FUT8: variants seen among roughly 807,000 people sequenced by gnomAD.
FUT8 encodes the protein alpha-(1,6)-fucosyltransferase.
Under a neutral mutation model 71.3 loss-of-function variants are expected in FUT8, and 29 were observed. That is an observed-to-expected ratio of 0.41 (90% CI 0.30 to 0.55). FUT8 has a LOEUF of 0.55. Ranked by LOEUF, FUT8 falls within the 20% of genes least tolerant of loss-of-function variation. The probability of loss-of-function intolerance (pLI) is 0.34; values close to 1 mark genes in which losing one functional copy is unlikely to be tolerated. For synonymous variants in FUT8, 254 were observed against 239.3 expected (o/e 1.06, Z -0.57); for missense variants, 544 against 702.1 (o/e 0.77, Z 2.55).
At chr14:65,387,519 G>C in the FUT8 span, among the ~76,000 whole-genome samples, 20,435 of 152,164 alleles carry the variant, frequency 0.13, 2,039 homozygotes, top group East Asian at 0.54. Flanking sequence ...TTGTGCAGCT[G>C]TCTCCTATCT....
the FUT8 span, among the ~76,000 whole-genome samples, chr14:65,359,465 G>C: frequency 6.6e-6 from 1 of 151,902 alleles, no homozygotes; most frequent in Non-Finnish European, 1.5e-5. Context: ...ATCTTCCCTA[G>C]CTGAACCTCT....
chr14:65,665,888 C>A (rs1892187778), intron 6 of FUT8, among the ~76,000 whole-genome samples: 1 of 151,966 alleles, frequency 6.6e-6, no homozygotes, highest in South Asian at 2.1e-4. Context: ...ATGAAGAGAA[C>A]ACATGGACAC....
chr14:65,577,696 C>T (rs1184512682), intron 3 of FUT8, among the ~76,000 whole-genome samples: 3 of 152,100 alleles, frequency 2.0e-5, no homozygotes, highest in Non-Finnish European at 4.4e-5. Context: ...AATGATTGCT[C>T]ACCCTGAGAT....
intron 2 of FUT8, among the ~76,000 whole-genome samples, chr14:65,527,258 G>A (rs1441864827): frequency 6.6e-6 from 1 of 152,054 alleles, no homozygotes; most frequent in African/African-American, 2.4e-5. Flanking sequence ...GGCTTTGTTT[G>A]TTTCTTTTTA....
chr14:65,666,871 T>TA (rs1303970790), intron 6 of FUT8, among the ~76,000 whole-genome samples: 2 of 152,122 alleles, frequency 1.3e-5, no homozygotes, highest in African/African-American at 4.8e-5. Flanking sequence ...TGGTTCAACA[T>TA]ACACAAATCC....
At chr14:65,457,234 C>T (rs564289497) in intron 2 of FUT8, among the ~76,000 whole-genome samples, 95 of 152,216 alleles carry the variant, frequency 6.2e-4, no homozygotes, top group Non-Finnish European at 1.2e-3. Context: ...ACTGTTAAAG[C>T]GCTGTGATGA....
At chr14:65,404,450 G>A in the FUT8 span, among the ~76,000 whole-genome samples, 3 of 151,902 alleles carry the variant, frequency 2.0e-5, no homozygotes, top group Admixed American at 2.0e-4. Context: ...GGGATTACAG[G>A]TGTGAGCCAC....
Position 65,418,951 on chromosome 14 carries a change from G to A in FUT8, c.-326+5737G>A, listed in dbSNP as rs146434576. Among the ~76,000 whole-genome samples, 448 of 152,212 alleles carry A rather than the reference G, an allele frequency of 2.9e-3. 4 individuals carry two copies. Among genetic ancestry groups the A allele is most frequent in the African/African-American group, 0.01 (423 of 41,534 alleles). The stretch of plus-strand genomic sequence containing the variant: ...TTTATTAAAAATGATTTTATAGGCC[G>A]GGCGCGGTGGCTCATGCCTGTAATC... On this transcript the variant is annotated intron_variant, in intron 1 of 10. Transcript: ENST00000673929.
chr14:65,465,812 C>G (rs770798501), intron 2 of FUT8, among the ~76,000 whole-genome samples: 7 of 152,094 alleles, frequency 4.6e-5, no homozygotes, highest in Non-Finnish European at 8.8e-5. Flanking sequence ...GTCATCAGTT[C>G]TATGATACCT....
chr14:65,463,538 A>G (rs999982982), intron 2 of FUT8, among the ~76,000 whole-genome samples: 1 of 152,190 alleles, frequency 6.6e-6, no homozygotes, highest in African/African-American at 2.4e-5. Flanking sequence ...AAGTGCTGGG[A>G]TTACAGGAGT....
chr14:65,561,719 C>G lies in FUT8; in HGVS notation c.156C>G (p.Arg52=). ...CCAAGATTCTGGCAAAGCTTGAACG[C>G]TTAAAACAACAGAATGAAGACTTGA... ...ELSKILAKLE[R]LKQQNEDLRR... Residue 52 remains arginine (R), a synonymous_variant, in exon 3 of 11, where the codon CGC becomes CGG. Transcript: ENST00000673929. 6.2e-7 allele frequency: 1 copy of G among 1,613,556 alleles called. No individual in the cohort carries two copies. Among genetic ancestry groups the G allele is most frequent in the Non-Finnish European group, 8.5e-7 (1 of 1,179,638 alleles).
intron 2 of FUT8, among the ~76,000 whole-genome samples, chr14:65,485,552 A>G (rs1375708153): frequency 6.6e-6 from 1 of 152,188 alleles, no homozygotes; most frequent in African/African-American, 2.4e-5. Flanking sequence ...AACAGGCAAT[A>G]TTCCTAAGTC....
intron 2 of FUT8, among the ~76,000 whole-genome samples, chr14:65,519,983 TGCC>T (rs931259004): frequency 1.3e-5 from 2 of 152,116 alleles, no homozygotes; most frequent in African/African-American, 4.8e-5. Context: ...TTTGCCGTGT[TGCC>T]CAGGCTGGTC....
chr14:65,588,037 A>G (rs1043706047), intron 3 of FUT8, among the ~76,000 whole-genome samples: 4 of 152,196 alleles, frequency 2.6e-5, no homozygotes, highest in Non-Finnish European at 4.4e-5. Flanking sequence ...AAACACTGCC[A>G]CCAACCTTTA....
At chr14:65,492,469 CGTCACTTCCTTTTTCTGTAT>C (rs2066496135) in intron 2 of FUT8, among the ~76,000 whole-genome samples, 1 of 152,150 alleles carries the variant, frequency 6.6e-6, no homozygotes, top group Non-Finnish European at 1.5e-5. Context: ...TGTTTTTGTA[CGTCACTTCCTTTTTCTGTAT>C]GTCACTTCCT....
chr14:65,615,932 C>T, intron 3 of FUT8, 46 bp from the exon 4 acceptor site: 1 of 1,342,256 alleles, frequency 7.5e-7, no homozygotes, highest in Non-Finnish European at 1.0e-6. Flanking sequence ...TATTTTGTTG[C>T]ACAGTTTGAA....
intron 7 of FUT8, among the ~76,000 whole-genome samples, chr14:65,670,702 C>G (rs543479143): frequency 1.1e-3 from 174 of 152,030 alleles, no homozygotes; most frequent in African/African-American, 3.8e-3. Context: ...AACTTTGGTT[C>G]CTTCATTTCT....
intron 10 of FUT8, among the ~76,000 whole-genome samples, chr14:65,739,791 T>G (rs1896403266): frequency 6.6e-6 from 1 of 152,110 alleles, no homozygotes; most frequent in African/African-American, 2.4e-5. Context: ...ATATGCAGAC[T>G]GCCTGGGTTC....
chr14:65,587,299 A>G (rs756868784), intron 3 of FUT8, among the ~76,000 whole-genome samples: 1 of 152,206 alleles, frequency 6.6e-6, no homozygotes, highest in African/African-American at 2.4e-5. Flanking sequence ...GGAAATAGTT[A>G]TGATCCTCAC....
Sources: allele counts gnomAD v4.1 joint callset (sites outside exome capture counted in the v4.1 genomes callset), GRCh38; gene constraint gnomAD v4.1.1; transcripts MANE v1.5; gene names NCBI Gene and HGNC (gene_info 2026-07-23, HGNC 2026-07-21).